SLC6A3: variants seen among roughly 807,000 people sequenced by gnomAD.
SLC6A3 encodes the protein sodium-dependent dopamine transporter.
In SLC6A3, 19 loss-of-function variants were observed where a neutral mutation model predicts 70.4. That is an observed-to-expected ratio of 0.27 (90% CI 0.19 to 0.40). The LOEUF is 0.40. Among genes scored for constraint, SLC6A3 ranks in the 10% least tolerant of loss-of-function variants. SLC6A3 has a pLI of 1.00. For missense variants in SLC6A3, 613 were observed against 838.5 expected (o/e 0.73, Z 3.32); for synonymous variants, 368 against 356.6 (o/e 1.03, Z -0.36).
intron 4 of SLC6A3, among the ~76,000 whole-genome samples, chr5:1,429,561 C>CTACA (rs1303057776): frequency 2.6e-5 from 4 of 152,244 alleles, no homozygotes; most frequent in African/African-American, 9.6e-5. Context: ...GGACTAATCA[C>CTACA]TACACTAAGT....
At position 1,422,559 on chromosome 5, in the gene SLC6A3, C is replaced by A. The variant is rs1756469734; in HGVS notation, c.654-545G>T. Among the ~76,000 whole-genome samples, 8 of 146,386 alleles carry A rather than the reference C, an allele frequency of 5.5e-5. No homozygotes were observed. In the South Asian group the frequency reaches 1.6e-3, roughly 29 times the overall value. On this transcript the variant is annotated intron_variant, in intron 4 of 14. Transcript: ENST00000270349. ...CCACGCTGCTGGGTGCCCACCGCTG[C>A]CCACAGTGCTGCCCACGCTGCTGGG...
chr5:1,409,901 A>T, intron 9 of SLC6A3, 52 bp from the exon 10 acceptor site: 1 of 1,609,518 alleles, frequency 6.2e-7, no homozygotes, highest in Non-Finnish European at 8.5e-7. Flanking sequence ...TCCTGACCGC[A>T]GCCTGGGCCA....
rs1240508138 is a variant in SLC6A3 at position 1,402,960 on chromosome 5, C to T, written c.1729G>A (p.Ala577Thr). The change falls in exon 13 of 15, where the codon GCC becomes ACC. Residue 577 changes from alanine to threonine, a missense_variant. By Grantham distance (58) the Ala-to-Thr change is moderately conservative. Coordinates refer to ENST00000270349, the MANE Select transcript of SLC6A3 (RefSeq NM_001044.5). This position sits in a 1 kb window ranked among gnomAD's most constrained non-coding sequence, Gnocchi z 8.5. The stretch of plus-strand genomic sequence containing the variant: ...CCAGGCAGGCTGCAGAACTTGTAGG[C>T]CGCATAGATGGGCACCATGGCCATG... ...SSMAMVPIYA[A>T]YKFCSLPGSF... is the part of the protein sequence containing the mutation. 1 of 1,614,022 alleles carries T rather than the reference C, an allele frequency of 6.2e-7. No individual in the cohort carries two copies. The highest frequency in any genetic ancestry group is 1.1e-5 in the South Asian group (1 of 91,074).
chr5:1,412,051 A>G (rs1348731567), intron 8 of SLC6A3, among the ~76,000 whole-genome samples: 1 of 152,060 alleles, frequency 6.6e-6, no homozygotes, highest in Non-Finnish European at 1.5e-5. Context: ...CACAAATCAC[A>G]CACGTCCACA....
Position 1,442,748 on chromosome 5 carries a change from G to C in SLC6A3, c.286+164C>G, listed in dbSNP as rs1733708425. Among the ~76,000 whole-genome samples, 1 of 151,784 alleles carries C rather than the reference G, an allele frequency of 6.6e-6. No homozygotes were observed. The highest frequency in any genetic ancestry group is 1.5e-5 in the Non-Finnish European group (1 of 67,992). ...GCTCCGAGTCCTGCTCAATGGTTTT[G>C]TGACATCCTCTGGGAGGATCTGCAC... On this transcript the variant is annotated intron_variant, in intron 2 of 14. Transcript: ENST00000270349. The surrounding 1 kb of genome is among the most constrained non-coding windows in gnomAD (Gnocchi z 5.0).
rs1251715334 is a variant in SLC6A3, at chr5:1,402,770, G to A, written c.1767+152C>T. ...CGGGCGTGCAGGTGGACACACACACGCACACACACACACAGTGTTGTGGTG... is the reference window on the plus strand; with the variant it reads ...CGGGCGTGCAGGTGGACACACACACACACACACACACACAGTGTTGTGGTG... On this transcript the variant is annotated intron_variant, in intron 13 of 14. Transcript: ENST00000270349. This position sits in a 1 kb window ranked among gnomAD's most constrained non-coding sequence, Gnocchi z 8.5. The A allele has an allele frequency of 5.4e-5, 40 of 734,514 alleles. No homozygotes were observed. The highest frequency in any genetic ancestry group is 1.0e-4 in the African/African-American group (6 of 57,210). The allele number at this position is 734,514 out of a possible 1,614,324, so 45.5% of individuals were successfully genotyped here.
At position 1,411,017 on chromosome 5, in the gene SLC6A3, T is replaced by C. The variant is rs547659757; in HGVS notation, c.1269+226A>G. Among the ~76,000 whole-genome samples, 2 of 152,134 alleles carry C rather than the reference T, an allele frequency of 1.3e-5. No homozygotes were observed. Among genetic ancestry groups the C allele is most frequent in the East Asian group, 3.9e-4 (2 of 5,166 alleles). The stretch of plus-strand genomic sequence containing the variant: ...GGTGGCTCAGGGCAGGGCACACAGG[T>C]ACCCCAGAGTAGGGGGATAAAGGGA... On this transcript the variant is annotated intron_variant, in intron 9 of 14. Coordinates refer to ENST00000270349, the MANE Select transcript of SLC6A3 (RefSeq NM_001044.5). This position sits in a 1 kb window ranked among gnomAD's most constrained non-coding sequence, Gnocchi z 6.5.
At chr5:1,424,878 A>G (rs1433273171) in intron 4 of SLC6A3, among the ~76,000 whole-genome samples, 1 of 152,228 alleles carries the variant, frequency 6.6e-6, no homozygotes, top group Non-Finnish European at 1.5e-5. Flanking sequence ...AGTGCTGTCA[A>G]CCTGAGAAGA....
In SLC6A3 at chr5:1,394,542, G is replaced by A. The variant is rs539799199; in HGVS notation, c.*193C>T. 14 of 694,198 alleles carry A rather than the reference G, an allele frequency of 2.0e-5. No individual in the cohort carries two copies. Among genetic ancestry groups the A allele is most frequent in the African/African-American group, 1.0e-4 (6 of 57,316 alleles). 43.0% of individuals were successfully genotyped at this position (694,198 alleles called of 1,614,324 possible). On this transcript the variant is annotated 3_prime_UTR_variant, in exon 15 of 15. Coordinates refer to ENST00000270349, the MANE Select transcript of SLC6A3 (RefSeq NM_001044.5). This position sits in a 1 kb window ranked among gnomAD's most constrained non-coding sequence, Gnocchi z 4.7. ...TCGTTATTACAGCAACACAAGACAC[G>A]GCGAGGTGCGCTCCCGGCACGGAAA...
In SLC6A3 at chr5:1,440,488, G is replaced by A. The variant is rs181774752; in HGVS notation, c.418+871C>T. On this transcript the variant is annotated intron_variant, in intron 3 of 14. Transcript: ENST00000270349. ...TGGGTAGATGACAGACGGGTGAATA[G>A]ATGATTGACAGATAATAGATAGATA... Among the ~76,000 whole-genome samples, 22 of 148,990 alleles carry A rather than the reference G, an allele frequency of 1.5e-4. 1 individual carries two copies. In the South Asian group the frequency reaches 4.6e-3, roughly 31 times the overall value.
At chr5:1,434,866 C>A (rs773428250) in intron 3 of SLC6A3, among the ~76,000 whole-genome samples, 6 of 152,104 alleles carry the variant, frequency 3.9e-5, no homozygotes, top group Non-Finnish European at 7.4e-5. Flanking sequence ...ACCTTGAAAG[C>A]AAAAAGAAGA....
intron 1 of SLC6A3, 24 bp downstream of exon 1, chr5:1,445,324 T>A (rs1204216721): frequency 6.5e-6 from 1 of 152,894 alleles, no homozygotes; most frequent in Non-Finnish European, 1.5e-5. Context: ...GGCGCCCCGA[T>A]GCCGCGAGCG....
At position 1,394,529 on chromosome 5, in the gene SLC6A3, CA is replaced by C; in HGVS notation, c.*205del. 1 of 672,602 alleles carries C rather than the reference CA, an allele frequency of 1.5e-6. No individual in the cohort carries two copies. The allele number at this position is 672,602 out of a possible 1,614,324, so 41.7% of individuals were successfully genotyped here. ...GCACAGATCTACGTCGTTATTACAG[CA>C]ACACAAGACACGGCGAGGTGCGCTC... On this transcript the variant is annotated 3_prime_UTR_variant, in exon 15 of 15. Coordinates refer to ENST00000270349, the MANE Select transcript of SLC6A3 (RefSeq NM_001044.5). This position sits in a 1 kb window ranked among gnomAD's most constrained non-coding sequence, Gnocchi z 4.7.
chr5:1,436,824 C>T lies in SLC6A3; in HGVS notation c.419-4126G>A, dbSNP rs1156419723. Among the ~76,000 whole-genome samples, 4 of 152,318 alleles carry T rather than the reference C, an allele frequency of 2.6e-5. No homozygotes were observed. The East Asian group carries it at 7.7e-4, about 29-fold the overall frequency. ...CCTGCCCCACCCCTGAACACCAGTA[C>T]ACCCCAGGGCACCCACGAGAGCTGG... On this transcript the variant is annotated intron_variant, in intron 3 of 14. Coordinates refer to ENST00000270349, the MANE Select transcript of SLC6A3 (RefSeq NM_001044.5). The surrounding 1 kb of genome is among the most constrained non-coding windows in gnomAD (Gnocchi z 5.2).
chr5:1,409,197 T>C (rs1393553729), intron 10 of SLC6A3, 72 bp from the exon 11 acceptor site: 4 of 1,102,316 alleles, frequency 3.6e-6, no homozygotes, highest in Non-Finnish European at 5.4e-6. Context: ...GGGGATTCAC[T>C]GTGCACACAA....
In SLC6A3 at chr5:1,421,177, A is replaced by AGTTT. The variant is rs1160754229; in HGVS notation, c.793-478_793-475dup. Among the ~76,000 whole-genome samples the AGTTT allele has an allele frequency of 2.3e-3, 328 of 139,884 alleles. 9 individuals carry two copies. In the South Asian group the frequency reaches 0.042, roughly 18 times the overall value. The allele number at this position is 139,884 out of a possible 152,430, so 91.8% of individuals were successfully genotyped here. A position where few individuals can be genotyped will look rare whatever the true frequency, so the allele number is the denominator to read the frequency against. ...TGGTTTTGGCCCATATAACAACCAA[A>AGTTT]GTTTTTTTTTTTTTTTTGAGATGGA... On this transcript the variant is annotated intron_variant, in intron 5 of 14. Coordinates refer to ENST00000270349, the MANE Select transcript of SLC6A3 (RefSeq NM_001044.5). This position sits in a 1 kb window ranked among gnomAD's most constrained non-coding sequence, Gnocchi z 7.2.
intron 6 of SLC6A3, among the ~76,000 whole-genome samples, chr5:1,419,109 C>T (rs573726054): frequency 7.1e-4 from 107 of 151,510 alleles, no homozygotes; most frequent in African/African-American, 2.5e-3. Context: ...ATTCATCCAC[C>T]CATTCACCCA....
Position 1,397,448 on chromosome 5 carries a change from A to C in SLC6A3, c.1840-2690T>G, listed in dbSNP as rs1299039734. ...TCCGTCTCAAAACAAACAAACAAAC[A>C]AACAAACAAACAAAAAAGAAACCCA... On this transcript the variant is annotated intron_variant, in intron 14 of 14. Transcript: ENST00000270349. The surrounding 1 kb of genome is among the most constrained non-coding windows in gnomAD (Gnocchi z 4.7). Among the ~76,000 whole-genome samples the C allele has an allele frequency of 6.6e-6, 1 of 151,560 alleles. No individual in the cohort carries two copies. The highest frequency in any genetic ancestry group is 2.3e-4 in the South Asian group (1 of 4,398).
intron 4 of SLC6A3, among the ~76,000 whole-genome samples, chr5:1,425,647 C>A (rs1169662134): frequency 6.6e-6 from 1 of 152,192 alleles, no homozygotes; most frequent in Admixed American, 6.5e-5. Flanking sequence ...AGATATGACA[C>A]AAAAGATGAA....
Sources: gnomAD v4.1 joint callset for allele counts (sites outside exome capture counted in the v4.1 genomes callset) on GRCh38, gnomAD v4.1.1 for gene constraint, Gnocchi (gnomAD v3.1) non-coding constraint, MANE v1.5 for transcripts, NCBI Gene and HGNC (gene_info 2026-07-23, HGNC 2026-07-21) for gene names.